The following GALNTL6 variants were observed in gnomAD, a reference collection of about 807,000 sequenced individuals.
The protein encoded by GALNTL6 is polypeptide N-acetylgalactosaminyltransferase-like 6.
In GALNTL6, 46 loss-of-function variants were observed where a neutral mutation model predicts 73.7. The ratio of observed to expected loss-of-function variants is 0.62; its 90% CI spans 0.49 to 0.80. The LOEUF (loss-of-function observed/expected upper bound fraction) is 0.80. Ranked by LOEUF, GALNTL6 falls within the 30% of genes least tolerant of loss-of-function variation. The pLI is 0.00. For synonymous variants in GALNTL6, 259 were observed against 263.7 expected (o/e 0.98, Z 0.17); for missense variants, 604 against 755.0 (o/e 0.80, Z 2.34).
intron 3 of GALNTL6, among the ~76,000 whole-genome samples, chr4:172,235,186 T>C (rs1012270735): frequency 4.6e-5 from 7 of 152,078 alleles, no homozygotes; most frequent in Non-Finnish European, 1.0e-4. Flanking sequence ...TTTCTTAATC[T>C]ATTTCTACAA....
chr4:172,071,048 T>A (rs1731520561), intron 2 of GALNTL6, among the ~76,000 whole-genome samples: 1 of 109,590 alleles, frequency 9.1e-6, no homozygotes, highest in Non-Finnish European at 2.0e-5. Context: ...AACAATTGCC[T>A]CAGAAGTAAG....
intron 12 of GALNTL6, among the ~76,000 whole-genome samples, chr4:173,029,617 AT>A (rs1438796626): frequency 6.6e-6 from 1 of 152,172 alleles, no homozygotes; most frequent in Non-Finnish European, 1.5e-5. Flanking sequence ...GAGTTGATTG[AT>A]TTCCTGCCTT....
intron 2 of GALNTL6, among the ~76,000 whole-genome samples, chr4:172,056,139 G>T (rs1472841490): frequency 1.3e-5 from 2 of 152,060 alleles, no homozygotes; most frequent in Non-Finnish European, 2.9e-5. Flanking sequence ...TTAAAATTCT[G>T]ACACTTAACG....
intron 5 of GALNTL6, among the ~76,000 whole-genome samples, chr4:172,642,379 A>C (rs761312955): frequency 1.2e-4 from 19 of 152,048 alleles, no homozygotes; most frequent in African/African-American, 4.1e-4. Flanking sequence ...ATATATATAC[A>C]CAATTGAGTA....
chr4:172,843,747 A>C (rs180862540), intron 7 of GALNTL6, among the ~76,000 whole-genome samples: 1 of 152,326 alleles, frequency 6.6e-6, no homozygotes, highest in African/African-American at 2.4e-5. Flanking sequence ...CTCATGACAC[A>C]GTTCAACAGC....
At chr4:172,105,010 A>G (rs1287611481) in intron 2 of GALNTL6, among the ~76,000 whole-genome samples, 1 of 152,186 alleles carries the variant, frequency 6.6e-6, no homozygotes, top group Non-Finnish European at 1.5e-5. Flanking sequence ...AACAATTACA[A>G]AAAGTCATAA....
At chr4:172,501,002 A>T (rs972620363) in intron 5 of GALNTL6, among the ~76,000 whole-genome samples, 1 of 152,244 alleles carries the variant, frequency 6.6e-6, no homozygotes, top group African/African-American at 2.4e-5. Flanking sequence ...GATCCTTGTG[A>T]TGAAACTGTC....
chr4:172,893,840 C>T (rs1746179454), intron 8 of GALNTL6, among the ~76,000 whole-genome samples: 1 of 152,154 alleles, frequency 6.6e-6, no homozygotes, highest in Admixed American at 6.5e-5. Flanking sequence ...AGGCAGTTCC[C>T]TCTGCCAATT....
chr4:172,106,865 G>A (rs1732688427), intron 2 of GALNTL6, among the ~76,000 whole-genome samples: 2 of 152,132 alleles, frequency 1.3e-5, no homozygotes, highest in South Asian at 2.1e-4. Context: ...TAGTCATTTT[G>A]TGTTTTTGTT....
intron 5 of GALNTL6, among the ~76,000 whole-genome samples, chr4:172,632,264 A>G (rs1011225768): frequency 2.0e-5 from 3 of 152,254 alleles, no homozygotes; most frequent in African/African-American, 4.8e-5. Context: ...GAACTGGGTA[A>G]CAGGCAGAGG....
At chr4:172,574,965 C>T (rs999246435) in intron 5 of GALNTL6, among the ~76,000 whole-genome samples, 14 of 144,018 alleles carry the variant, frequency 9.7e-5, no homozygotes, top group African/African-American at 2.3e-4. Flanking sequence ...CACACACACA[C>T]GATTAGAAAG....
At chr4:172,161,881 A>C (rs1734480893) in intron 2 of GALNTL6, among the ~76,000 whole-genome samples, 1 of 152,014 alleles carries the variant, frequency 6.6e-6, no homozygotes, top group African/African-American at 2.4e-5. Context: ...ATGTTCTAGA[A>C]AAAAGAAATA....
intron 7 of GALNTL6, among the ~76,000 whole-genome samples, chr4:172,836,584 T>C (rs889563323): frequency 6.6e-6 from 1 of 152,216 alleles, no homozygotes; most frequent in Admixed American, 6.5e-5. Context: ...TGTAAATACA[T>C]GTAACTTCTA....
intron 5 of GALNTL6, among the ~76,000 whole-genome samples, chr4:172,605,279 C>T (rs1042835428): frequency 4.6e-5 from 7 of 152,108 alleles, no homozygotes; most frequent in East Asian, 3.9e-4. Flanking sequence ...CTACGATTTT[C>T]TATTCTTGTA....
chr4:171,969,230 C>G (rs1739489230), intron 2 of GALNTL6, among the ~76,000 whole-genome samples: 1 of 152,170 alleles, frequency 6.6e-6, no homozygotes, highest in Non-Finnish European at 1.5e-5. Flanking sequence ...ACATCACCTT[C>G]TTGACTCTGC....
rs397933315 is a variant in GALNTL6 at position 172,552,837 on chromosome 4, T to TAAAA, written c.553+204165_553+204168dup. Reference sequence around the variant, plus strand: ...TAGGCTGGTGCAAAAGTAATTGCAGTAAAAAAAAAAAAAAAAAAAAGGTAA... The same window carrying TAAAA: ...TAGGCTGGTGCAAAAGTAATTGCAGTAAAAAAAAAAAAAAAAAAAAAAAAGGTAA... On this transcript the variant is annotated intron_variant, in intron 5 of 12. Coordinates refer to ENST00000506823, the MANE Select transcript of GALNTL6 (RefSeq NM_001034845.3). Among the ~76,000 whole-genome samples the TAAAA allele has an allele frequency of 3.2e-3, 259 of 80,400 alleles. 14 individuals are homozygous for TAAAA. The highest frequency in any genetic ancestry group is 0.011 in the African/African-American group (192 of 16,996). The allele number at this position is 80,400 out of a possible 152,430, so 52.7% of individuals were successfully genotyped here.
chr4:172,630,445 G>A (rs139481741), intron 5 of GALNTL6, among the ~76,000 whole-genome samples: 38 of 151,946 alleles, frequency 2.5e-4, no homozygotes, highest in Non-Finnish European at 3.8e-4. Flanking sequence ...TCCATCAGTC[G>A]CTCCAGGGCA....
chr4:172,064,896 T>C (rs955850405), intron 2 of GALNTL6, among the ~76,000 whole-genome samples: 3 of 152,150 alleles, frequency 2.0e-5, no homozygotes, highest in South Asian at 2.1e-4. Context: ...AATATAAATA[T>C]CTCATATGAA....
intron 2 of GALNTL6, among the ~76,000 whole-genome samples, chr4:171,857,978 C>T (rs1735734990): frequency 6.6e-6 from 1 of 152,096 alleles, no homozygotes; most frequent in African/African-American, 2.4e-5. Context: ...TGAAAGACAT[C>T]GGTGCTTAGA....
Sources: allele counts gnomAD v4.1 joint callset (sites outside exome capture counted in the v4.1 genomes callset), GRCh38; gene constraint gnomAD v4.1.1; transcripts MANE v1.5; gene names NCBI Gene and HGNC (gene_info 2026-07-23, HGNC 2026-07-21).